The following FAM114A1 variants were observed in gnomAD, a reference collection of about 807,000 sequenced individuals.
The protein encoded by FAM114A1 is family with sequence similarity 114 member A1.
Under a neutral mutation model 64.3 loss-of-function variants are expected in FAM114A1, and 62 were observed. That is an observed-to-expected ratio of 0.96 (90% CI 0.79 to 1.19). The LOEUF (loss-of-function observed/expected upper bound fraction) is 1.19, where lower values mean the gene tolerates loss of function less well. Ranked by LOEUF, FAM114A1 falls within the 50% of genes most tolerant of loss-of-function variation. FAM114A1 has a pLI of 0.00. For synonymous variants in FAM114A1, 254 were observed against 251.1 expected (o/e 1.01, Z -0.11); for missense variants, 645 against 676.3 (o/e 0.95, Z 0.51).
At chr4:38,913,152 A>C (rs1579362606) in intron 7 of FAM114A1, among the ~76,000 whole-genome samples, 1 of 147,822 alleles carries the variant, frequency 6.8e-6, no homozygotes, top group East Asian at 1.9e-4. Flanking sequence ...AGTGCTTTCC[A>C]CAGAAATTAA....
At chr4:38,935,851 T>C (rs534301320) in intron 13 of FAM114A1, 61 bp downstream of exon 13, 1 of 1,210,554 alleles carries the variant, frequency 8.3e-7, no homozygotes. Flanking sequence ...TGTGAGGAAA[T>C]GTGGAGATGC....
chr4:38,892,270 A>G (rs889854512), intron 4 of FAM114A1, among the ~76,000 whole-genome samples: 1 of 152,218 alleles, frequency 6.6e-6, no homozygotes, highest in Non-Finnish European at 1.5e-5. Flanking sequence ...AAGGCATTTC[A>G]TTAGCAGGAT....
chr4:38,882,244 G>A (rs1334650943), intron 3 of FAM114A1, among the ~76,000 whole-genome samples: 4 of 140,004 alleles, frequency 2.9e-5, no homozygotes, highest in Admixed American at 1.4e-4. Context: ...CCCGGGAAGC[G>A]GAGCTTGCAG....
intron 4 of FAM114A1, among the ~76,000 whole-genome samples, chr4:38,900,751 G>T (rs1717434057): frequency 6.6e-6 from 1 of 152,180 alleles, no homozygotes; most frequent in Non-Finnish European, 1.5e-5. Flanking sequence ...AATGATGGTT[G>T]CCAGGGGCTG....
rs376837799 is a variant in FAM114A1 at position 38,878,270 on chromosome 4, C to T, written c.192C>T (p.Ala64=). Residue 64 remains alanine, a synonymous_variant, in exon 3 of 15, where the codon GCC becomes GCT. Coordinates refer to ENST00000358869, the MANE Select transcript of FAM114A1 (RefSeq NM_138389.4). ...ENAAVQGAGA[A]AIGPPVQPQD... ...CAGCTGTGCAGGGTGCAGGGGCTGC[C>T]GCCATTGGGCCCCCTGTGCAGCCTC... 40 of 1,614,054 alleles carry T rather than the reference C, an allele frequency of 2.5e-5. No individual in the cohort carries two copies. The African/African-American group carries it at 3.2e-4, about 13-fold the overall frequency.
At chr4:38,902,321 A>G (rs911597996) in intron 4 of FAM114A1, among the ~76,000 whole-genome samples, 11 of 152,214 alleles carry the variant, frequency 7.2e-5, no homozygotes, top group Non-Finnish European at 1.6e-4. Context: ...TAAGTGCTCA[A>G]TAAATGTCGG....
At chr4:38,900,737 G>A (rs1717431767) in intron 4 of FAM114A1, among the ~76,000 whole-genome samples, 1 of 152,180 alleles carries the variant, frequency 6.6e-6, no homozygotes, top group Admixed American at 6.5e-5. Flanking sequence ...CTACTGGAAT[G>A]TAGAATGATG....
chr4:38,879,545 T>G (rs544997678), intron 3 of FAM114A1, among the ~76,000 whole-genome samples: 1 of 152,302 alleles, frequency 6.6e-6, no homozygotes, highest in Admixed American at 6.5e-5. Context: ...TGGGCTACCC[T>G]CCCACCCACT....
In FAM114A1 at chr4:38,891,740, C is replaced by T. The variant is rs766125263; in HGVS notation, c.349-3C>T. 10 of 1,600,264 alleles carry T rather than the reference C, an allele frequency of 6.2e-6. No homozygotes were observed. The African/African-American group carries it at 1.3e-4, about 22-fold the overall frequency. On this transcript the variant is annotated splice_region_variant and splice_polypyrimidine_tract_variant and intron_variant, in intron 3 of 14. Coordinates refer to ENST00000358869, the MANE Select transcript of FAM114A1 (RefSeq NM_138389.4). ...GACCTGTGGCTAATTTGTTTTTCTC[C>T]AGGCTGTGGATTCCCCTCCAAGTGG...
chr4:38,897,861 GC>G (rs1401716880), intron 4 of FAM114A1, among the ~76,000 whole-genome samples: 3 of 151,404 alleles, frequency 2.0e-5, no homozygotes, highest in African/African-American at 7.3e-5. Context: ...CAGAAGAATC[GC>G]TTGAGCCTGG....
At chr4:38,875,911 A>T (rs1714565479) in intron 2 of FAM114A1, among the ~76,000 whole-genome samples, 2 of 152,160 alleles carry the variant, frequency 1.3e-5, no homozygotes, top group South Asian at 4.1e-4. Flanking sequence ...ACATGATATC[A>T]ATAATTTGTA....
chr4:38,923,464 G>T (rs1719818404), intron 9 of FAM114A1, among the ~76,000 whole-genome samples: 1 of 151,918 alleles, frequency 6.6e-6, no homozygotes. Context: ...CTCATGATCT[G>T]CCTGCCTCGG....
chr4:38,903,511 C>T (rs116692246), intron 4 of FAM114A1, among the ~76,000 whole-genome samples: 2,413 of 152,154 alleles, frequency 0.016, 81 homozygotes, highest in African/African-American at 0.054. Flanking sequence ...GAAATCTAGA[C>T]GAGAATCATA....
intron 8 of FAM114A1, among the ~76,000 whole-genome samples, chr4:38,918,290 T>G (rs1023599376): frequency 3.9e-5 from 6 of 152,272 alleles, no homozygotes; most frequent in African/African-American, 1.4e-4. Flanking sequence ...AGAGTTATTC[T>G]TCACTCCTGT....
chr4:38,876,276 T>A (rs1376509330), intron 2 of FAM114A1, among the ~76,000 whole-genome samples: 1 of 151,398 alleles, frequency 6.6e-6, no homozygotes, highest in African/African-American at 2.4e-5. Flanking sequence ...TTCAAGCAAT[T>A]ATTGTGCCTC....
chr4:38,931,418 A>G (rs1276862776), intron 10 of FAM114A1, 33 bp from the exon 11 acceptor site: 1 of 1,573,522 alleles, frequency 6.4e-7, no homozygotes, highest in African/African-American at 1.4e-5. Context: ...TATTTGCGCC[A>G]TAAAAGGATT....
At chr4:38,892,435 A>G (rs1716499074) in intron 4 of FAM114A1, among the ~76,000 whole-genome samples, 1 of 152,174 alleles carries the variant, frequency 6.6e-6, no homozygotes, top group African/African-American at 2.4e-5. Flanking sequence ...ACAAAATTTT[A>G]ATTTAAATAA....
chr4:38,945,204 G>A lies in FAM114A1; in HGVS notation c.*1647G>A, dbSNP rs543863264. The A allele has an allele frequency of 2.6e-5, 4 of 152,284 alleles. No individual in the cohort carries two copies. The highest frequency in any genetic ancestry group is 3.9e-4 in the East Asian group (2 of 5,186). 9.4% of individuals were successfully genotyped at this position (152,284 alleles called of 1,614,324 possible). A position where few individuals can be genotyped will look rare whatever the true frequency, so the allele number is the denominator to read the frequency against. On this transcript the variant is annotated 3_prime_UTR_variant, in exon 15 of 15. Transcript: ENST00000358869. ...AATCCCAGGACTGCATTTTAAAATC[G>A]CCTCACAGATCACACTCGCTGGTGG...
Position 38,905,752 on chromosome 4 carries a change from T to C in FAM114A1, c.551-3T>C, listed in dbSNP as rs1340576546. On this transcript the variant is annotated splice_region_variant and splice_polypyrimidine_tract_variant and intron_variant, in intron 5 of 14. Coordinates refer to ENST00000358869, the MANE Select transcript of FAM114A1 (RefSeq NM_138389.4). ...TCTTAAAGGATTTCTTTTTTCTCTTTAGTAACAGATGCAGCCACAGATCAG... is the reference window on the plus strand; with the variant it reads ...TCTTAAAGGATTTCTTTTTTCTCTTCAGTAACAGATGCAGCCACAGATCAG... 6.2e-7 allele frequency: 1 copy of C among 1,611,434 alleles called. No homozygotes were observed. Among genetic ancestry groups the C allele is most frequent in the African/African-American group, 1.3e-5 (1 of 74,572 alleles).
Sources: gnomAD v4.1 joint callset for allele counts (sites outside exome capture counted in the v4.1 genomes callset) on GRCh38, gnomAD v4.1.1 for gene constraint, MANE v1.5 for transcripts, NCBI Gene and HGNC (gene_info 2026-07-23, HGNC 2026-07-21) for gene names.